Variants in WARS2 observed in about 807,000 individuals in gnomAD.
WARS2 encodes tryptophanyl tRNA synthetase 2, mitochondrial, also known as tryptophan--tRNA ligase, mitochondrial.
A neutral mutation model predicts 36.5 loss-of-function variants in WARS2; 28 were observed. That is an observed-to-expected ratio of 0.77 (90% CI 0.57 to 1.05). WARS2 has a LOEUF of 1.05. Ranked by LOEUF, WARS2 falls within the 50% of genes least tolerant of loss-of-function variation. The pLI, the probability that WARS2 is intolerant of heterozygous loss-of-function variation, is 0.00. For synonymous variants in WARS2, 174 were observed against 178.4 expected, an observed-to-expected ratio of 0.98 and a Z score of 0.20; for missense variants, 435 against 456.8, an observed-to-expected ratio of 0.95 and a Z score of 0.44.
chr1:119,103,361 T>C (rs752960785), intron 1 of WARS2, among the ~76,000 whole-genome samples: 1 of 152,186 alleles, frequency 6.6e-6, no homozygotes, highest in Non-Finnish European at 1.5e-5. Context: ...TTACCTCAGA[T>C]AGGTGGTAAT....
At chr1:119,085,140 AGT>A (rs1652530972) in intron 1 of WARS2, 1 of 786,752 alleles carries the variant, frequency 1.3e-6, no homozygotes, top group East Asian at 2.4e-5. Context: ...CGGGCTAGAA[AGT>A]GTGCCTGAGC....
intron 2 of WARS2, among the ~76,000 whole-genome samples, chr1:119,066,306 GTC>G (rs2101247608): frequency 6.6e-6 from 1 of 151,798 alleles, no homozygotes; most frequent in African/African-American, 2.4e-5. Context: ...GTGAAACCCC[GTC>G]TTTACTAAAA....
chr1:119,101,271 T>C (rs1005646048), intron 1 of WARS2, among the ~76,000 whole-genome samples: 1 of 152,172 alleles, frequency 6.6e-6, no homozygotes, highest in African/African-American at 2.4e-5. Flanking sequence ...ATGTATTATA[T>C]ACATGTAACA....
intron 4 of WARS2, among the ~76,000 whole-genome samples, chr1:119,041,791 T>C (rs1648388972): frequency 6.6e-6 from 1 of 152,192 alleles, no homozygotes. Context: ...TGGGGAAATA[T>C]ATATAGCTAC....
At chr1:119,128,285 A>G (rs1351602146) in intron 1 of WARS2, among the ~76,000 whole-genome samples, 2 of 152,070 alleles carry the variant, frequency 1.3e-5, no homozygotes, top group Non-Finnish European at 2.9e-5. Flanking sequence ...TATGTTGGCC[A>G]GGCTTGTCTC....
At chr1:119,128,643 G>GA (rs1655862827) in intron 1 of WARS2, among the ~76,000 whole-genome samples, 1 of 135,424 alleles carries the variant, frequency 7.4e-6, no homozygotes, top group Non-Finnish European at 1.5e-5. Flanking sequence ...TCTCCCTGCA[G>GA]AAAATGCAAT....
chr1:119,033,364 G>C lies in WARS2; in HGVS notation c.635-5C>G. On this transcript the variant is annotated splice_polypyrimidine_tract_variant and splice_region_variant and intron_variant, in intron 5 of 5. Transcript: ENST00000235521. Reference sequence around the variant, plus strand: ...ATTTTACCTTCTTCATGGATGCTAGGTTAAAAACACCAACACACACATACC... The same window carrying C: ...ATTTTACCTTCTTCATGGATGCTAGCTTAAAAACACCAACACACACATACC... 1 of 1,613,996 alleles carries C rather than the reference G, an allele frequency of 6.2e-7. No individual in the cohort carries two copies.
intron 1 of WARS2, chr1:119,085,426 C>T: frequency 6.8e-7 from 1 of 1,481,014 alleles, no homozygotes; most frequent in Non-Finnish European, 9.3e-7. Flanking sequence ...GGTTGCTCTG[C>T]CTGTACCTCC....
chr1:119,092,479 A>G (rs938955195), intron 1 of WARS2, among the ~76,000 whole-genome samples: 1 of 152,340 alleles, frequency 6.6e-6, no homozygotes, highest in Admixed American at 6.5e-5. Flanking sequence ...TCTTAAACTT[A>G]ATACTATATC....
At chr1:119,085,725 T>C in intron 1 of WARS2, 1 of 1,557,240 alleles carries the variant, frequency 6.4e-7, no homozygotes, top group Non-Finnish European at 8.9e-7. Flanking sequence ...ACAGAATCCT[T>C]TGGATTTCCC....
intron 1 of WARS2, among the ~76,000 whole-genome samples, chr1:119,099,051 A>G (rs983757405): frequency 1.3e-5 from 2 of 152,196 alleles, no homozygotes; most frequent in African/African-American, 4.8e-5. Context: ...TATTTATTTT[A>G]ACAATGTTCT....
chr1:119,078,902 G>A, intron 1 of WARS2, among the ~76,000 whole-genome samples: 1 of 151,102 alleles, frequency 6.6e-6, no homozygotes, highest in East Asian at 1.9e-4. Context: ...GTGCACGTGT[G>A]TGTGTGTGTG....
At chr1:119,073,266 A>T (rs916379051) in intron 2 of WARS2, among the ~76,000 whole-genome samples, 1 of 152,090 alleles carries the variant, frequency 6.6e-6, no homozygotes, top group Non-Finnish European at 1.5e-5. Flanking sequence ...AAATTTTTTT[A>T]AATATTTTTA....
chr1:119,132,404 C>T (rs908674816), intron 1 of WARS2, among the ~76,000 whole-genome samples: 1 of 152,202 alleles, frequency 6.6e-6, no homozygotes, highest in African/African-American at 2.4e-5. Flanking sequence ...CCAGGACTGG[C>T]AAGAGTTCCA....
At chr1:119,035,583 GA>G (rs1647809568) in intron 4 of WARS2, among the ~76,000 whole-genome samples, 2 of 152,116 alleles carry the variant, frequency 1.3e-5, no homozygotes, top group Non-Finnish European at 2.9e-5. Context: ...GTAAAATAAA[GA>G]TACTATAGAG....
chr1:119,119,544 A>G (rs1655202887), intron 1 of WARS2, among the ~76,000 whole-genome samples: 1 of 152,134 alleles, frequency 6.6e-6, no homozygotes, highest in South Asian at 2.1e-4. Flanking sequence ...CTTAAACTAT[A>G]CTTTAAAACA....
At chr1:119,114,836 G>A (rs187320718) in intron 1 of WARS2, among the ~76,000 whole-genome samples, 18 of 152,254 alleles carry the variant, frequency 1.2e-4, no homozygotes, top group African/African-American at 3.4e-4. Flanking sequence ...TTATCACAGC[G>A]TAGATGGCTT....
chr1:119,077,352 A>C (rs978769426), intron 1 of WARS2, among the ~76,000 whole-genome samples: 7 of 152,128 alleles, frequency 4.6e-5, no homozygotes, highest in Admixed American at 6.5e-5. Flanking sequence ...CATAGAATGA[A>C]ATTTCACTGG....
intron 1 of WARS2, among the ~76,000 whole-genome samples, chr1:119,101,924 AC>A (rs1318801518): frequency 1.3e-5 from 2 of 152,114 alleles, no homozygotes; most frequent in East Asian, 3.8e-4. Flanking sequence ...AAGAAAGCCA[AC>A]ACACACAATT....
Sources: allele counts gnomAD v4.1 joint callset (sites outside exome capture counted in the v4.1 genomes callset), GRCh38; gene constraint gnomAD v4.1.1; transcripts MANE v1.5; gene names NCBI Gene and HGNC (gene_info 2026-07-23, HGNC 2026-07-21).